The following LTBP1 variants were observed in gnomAD, a reference collection of about 807,000 sequenced individuals.
LTBP1 encodes the protein latent transforming growth factor beta binding protein 1.
Under a neutral mutation model 207.6 loss-of-function variants are expected in LTBP1, and 129 were observed. That is an observed-to-expected ratio of 0.62 (90% CI 0.54 to 0.72). LTBP1 has a LOEUF of 0.72. Ranked by LOEUF, LTBP1 falls within the 30% of genes least tolerant of loss-of-function variation. The pLI is 0.00. For missense variants in LTBP1, 2,281 were observed against 2,217.2 expected (o/e 1.03, Z -0.58); for synonymous variants, 963 against 833.7 (o/e 1.16, Z -2.67).
chr2:33,061,718 C>T (rs1048619719), intron 3 of LTBP1, among the ~76,000 whole-genome samples: 1 of 152,130 alleles, frequency 6.6e-6, no homozygotes, highest in Non-Finnish European at 1.5e-5. Context: ...TGTTGATGAA[C>T]ACCTGGGTTG....
At chr2:33,125,460 GC>G (rs1307204801) in intron 4 of LTBP1, among the ~76,000 whole-genome samples, 1 of 151,844 alleles carries the variant, frequency 6.6e-6, no homozygotes, top group Admixed American at 6.6e-5. Context: ...CAGAATTTGG[GC>G]CAAAAAAAAG....
Position 33,301,496 on chromosome 2 carries a change from G to T in LTBP1, c.3359-26G>T, listed in dbSNP as rs199606869. ...ATGTTTTTGAAGCACCACTTCCACA[G>T]TTTCTTTGTATTCTCTTGCTCATAG... On this transcript the variant is annotated intron_variant, in intron 21 of 33. Coordinates refer to ENST00000404816, the MANE Select transcript of LTBP1 (RefSeq NM_206943.4). The T allele has an allele frequency of 8.4e-6, 13 of 1,553,530 alleles. No homozygotes were observed. In the East Asian group the frequency reaches 1.1e-4, roughly 14 times the overall value.
In LTBP1 at chr2:33,151,823, T is replaced by TTG. The variant is rs10526529; in HGVS notation, c.1201+16917_1201+16918dup. 2.3e-3 allele frequency among the ~76,000 whole-genome samples: 298 copies of TTG among 129,458 alleles called. 2 individuals are homozygous for TTG. Among genetic ancestry groups the TTG allele is most frequent in the East Asian group, 4.2e-3 (19 of 4,538 alleles). The allele number at this position is 129,458 out of a possible 152,430, so 84.9% of individuals were successfully genotyped here. A position where few individuals can be genotyped will look rare whatever the true frequency, so the allele number is the denominator to read the frequency against. Reference sequence around the variant, plus strand: ...TTTTATGGCTGAGTAGTATTCCATTTTGTGTGTGTGTGTGTGTGTGTGTGT... The same window carrying TTG: ...TTTTATGGCTGAGTAGTATTCCATTTTGTGTGTGTGTGTGTGTGTGTGTGTGT... On this transcript the variant is annotated intron_variant, in intron 5 of 33. Coordinates refer to ENST00000404816, the MANE Select transcript of LTBP1 (RefSeq NM_206943.4).
chr2:33,087,718 G>A (rs1354744179), intron 3 of LTBP1, among the ~76,000 whole-genome samples: 1 of 152,142 alleles, frequency 6.6e-6, no homozygotes, highest in African/African-American at 2.4e-5. Context: ...AAGTCACATT[G>A]TTTATAAAGT....
intron 2 of LTBP1, among the ~76,000 whole-genome samples, chr2:32,970,639 A>T (rs550852707): frequency 1.3e-5 from 2 of 152,132 alleles, no homozygotes; most frequent in African/African-American, 4.8e-5. Flanking sequence ...TAAAAGTACC[A>T]TGCTATTTTG....
intron 22 of LTBP1, among the ~76,000 whole-genome samples, chr2:33,306,885 C>A (rs536157464): frequency 1.3e-5 from 2 of 152,038 alleles, no homozygotes; most frequent in Non-Finnish European, 2.9e-5. Flanking sequence ...GTCAAGGGAT[C>A]GAGACCGTCT....
intron 5 of LTBP1, among the ~76,000 whole-genome samples, chr2:33,181,656 A>G (rs947919042): frequency 6.6e-6 from 1 of 152,232 alleles, no homozygotes; most frequent in African/African-American, 2.4e-5. Flanking sequence ...GTATCAAGCT[A>G]ACAAGGTTAT....
intron 2 of LTBP1, among the ~76,000 whole-genome samples, chr2:32,963,055 G>C (rs1267869896): frequency 6.6e-6 from 1 of 152,228 alleles, no homozygotes; most frequent in Non-Finnish European, 1.5e-5. Flanking sequence ...CAGGCCTTGA[G>C]AGTAGAGGCT....
chr2:33,053,523 G>A (rs186453196), intron 3 of LTBP1, among the ~76,000 whole-genome samples: 9 of 151,996 alleles, frequency 5.9e-5, no homozygotes, highest in East Asian at 3.9e-4. Context: ...GTGCTTCCTC[G>A]GCCTCGGCGC....
chr2:33,015,376 C>A (rs147411535), intron 2 of LTBP1, among the ~76,000 whole-genome samples: 211 of 152,282 alleles, frequency 1.4e-3, no homozygotes, highest in African/African-American at 4.8e-3. Context: ...AGACCATTGG[C>A]CATCTTTCCT....
At chr2:33,372,596 G>A (rs374655397) in intron 31 of LTBP1, among the ~76,000 whole-genome samples, 34 of 152,006 alleles carry the variant, frequency 2.2e-4, no homozygotes, top group African/African-American at 6.8e-4. Flanking sequence ...CTTAATCACC[G>A]GGTGTGGTGG....
At chr2:33,141,374 C>T (rs77136290) in intron 5 of LTBP1, among the ~76,000 whole-genome samples, 2,712 of 152,188 alleles carry the variant, frequency 0.018, 29 homozygotes, top group East Asian at 0.028. Context: ...ATAATGTGAA[C>T]GTACTTAGCA....
chr2:33,388,849 G>C (rs1466175687), intron 31 of LTBP1, among the ~76,000 whole-genome samples: 2 of 152,158 alleles, frequency 1.3e-5, no homozygotes, highest in Non-Finnish European at 2.9e-5. Context: ...GATGGCTTTA[G>C]ATAAAGCCAT....
intron 22 of LTBP1, among the ~76,000 whole-genome samples, chr2:33,307,810 T>C (rs2094122692): frequency 6.6e-6 from 1 of 152,242 alleles, no homozygotes; most frequent in Non-Finnish European, 1.5e-5. Flanking sequence ...TGAACAGTCA[T>C]TATAATAACG....
intron 3 of LTBP1, among the ~76,000 whole-genome samples, chr2:33,042,806 C>G (rs72869664): frequency 6.6e-6 from 1 of 151,994 alleles, no homozygotes; most frequent in South Asian, 2.1e-4. Context: ...TATGTTGTTA[C>G]GCTAATAAAT....
chr2:33,149,241 A>AC (rs2083317301), intron 5 of LTBP1, among the ~76,000 whole-genome samples: 2 of 144,434 alleles, frequency 1.4e-5, no homozygotes, highest in South Asian at 2.1e-4. Flanking sequence ...AAAAAAAAAA[A>AC]AAAAAAAAAA....
intron 3 of LTBP1, among the ~76,000 whole-genome samples, chr2:33,105,735 T>C (rs1380388660): frequency 6.6e-6 from 1 of 152,118 alleles, no homozygotes; most frequent in Non-Finnish European, 1.5e-5. Flanking sequence ...CCATAATCTT[T>C]TTGCTGGTAG....
chr2:32,986,660 G>C (rs1175255850), intron 2 of LTBP1, among the ~76,000 whole-genome samples: 1 of 152,136 alleles, frequency 6.6e-6, no homozygotes, highest in Non-Finnish European at 1.5e-5. Context: ...GCACCTGTGG[G>C]ACTGCACAGA....
At chr2:33,327,901 G>T (rs1266645739) in intron 24 of LTBP1, among the ~76,000 whole-genome samples, 1 of 151,970 alleles carries the variant, frequency 6.6e-6, no homozygotes. Flanking sequence ...CACTTTGGGA[G>T]GCTGAGGTGG....
Sources: allele counts gnomAD v4.1 joint callset (sites outside exome capture counted in the v4.1 genomes callset), GRCh38; gene constraint gnomAD v4.1.1; transcripts MANE v1.5; gene names NCBI Gene and HGNC (gene_info 2026-07-23, HGNC 2026-07-21).